ANKRD6: variants seen among roughly 807,000 people sequenced by gnomAD.
ANKRD6 encodes ankyrin repeat domain 6, also known as ankyrin repeat domain-containing protein 6.
ANKRD6 carries 56 observed loss-of-function variants against 82.3 expected under a neutral mutation model. The ratio of observed to expected loss-of-function variants is 0.68; its 90% CI spans 0.55 to 0.85. The LOEUF is 0.85. ANKRD6 is among the 40% of genes least tolerant of loss of function. ANKRD6 has a pLI of 0.00. For missense variants in ANKRD6, 852 were observed against 907.6 expected, an observed-to-expected ratio of 0.94 and a Z score of 0.79; for synonymous variants, 347 against 352.1, an observed-to-expected ratio of 0.99 and a Z score of 0.16.
intron 1 of ANKRD6, among the ~76,000 whole-genome samples, chr6:89,490,957 T>C (rs561290540): frequency 4.9e-4 from 74 of 152,296 alleles, no homozygotes; most frequent in African/African-American, 1.7e-3. Flanking sequence ...GGGTGAGCCC[T>C]AAATCTAACA....
intron 1 of ANKRD6, among the ~76,000 whole-genome samples, chr6:89,558,777 A>G (rs1583274159): frequency 6.6e-6 from 1 of 151,104 alleles, no homozygotes; most frequent in African/African-American, 2.4e-5. Flanking sequence ...AATGTATCAC[A>G]CTAATACAAG....
At chr6:89,467,809 T>C (rs562316040) in intron 1 of ANKRD6, among the ~76,000 whole-genome samples, 52 of 152,316 alleles carry the variant, frequency 3.4e-4, no homozygotes, top group African/African-American at 1.2e-3. Flanking sequence ...CTCCTGCAGC[T>C]TCTTATGTTG....
At chr6:89,602,503 T>A (rs1334794712) in intron 3 of ANKRD6, 2 of 152,848 alleles carry the variant, frequency 1.3e-5, no homozygotes, top group African/African-American at 2.4e-5. Flanking sequence ...AGTCCTCAGA[T>A]GAAATAGGGC....
At chr6:89,617,932 G>T (rs931727910) in intron 8 of ANKRD6, 22 bp from the exon 9 acceptor site, 7 of 1,613,142 alleles carry the variant, frequency 4.3e-6, no homozygotes, top group Non-Finnish European at 4.2e-6. Flanking sequence ...TTTCTCACCT[G>T]TCCTACTCTG....
chr6:89,575,033 G>C (rs1224956617), intron 2 of ANKRD6, among the ~76,000 whole-genome samples: 1 of 152,140 alleles, frequency 6.6e-6, no homozygotes, highest in Non-Finnish European at 1.5e-5. Flanking sequence ...GAAAGGGCAC[G>C]ATCTAATGCT....
chr6:89,548,860 G>A (rs1785446583), intron 1 of ANKRD6, among the ~76,000 whole-genome samples: 1 of 152,178 alleles, frequency 6.6e-6, no homozygotes, highest in South Asian at 2.1e-4. Context: ...TTCCATTTCT[G>A]TTATCTCTGC....
At chr6:89,456,121 C>A (rs903990200) in intron 1 of ANKRD6, among the ~76,000 whole-genome samples, 3 of 152,140 alleles carry the variant, frequency 2.0e-5, no homozygotes, top group African/African-American at 7.2e-5. Context: ...GTGATCCACC[C>A]GCTTTGGCCT....
At chr6:89,594,905 G>T (rs1200845556) in intron 2 of ANKRD6, among the ~76,000 whole-genome samples, 2 of 152,066 alleles carry the variant, frequency 1.3e-5, no homozygotes, top group South Asian at 2.1e-4. Flanking sequence ...ACTGTGCCCA[G>T]CTAATTTTTA....
intron 1 of ANKRD6, among the ~76,000 whole-genome samples, chr6:89,502,075 T>C (rs557437527): frequency 2.6e-5 from 4 of 152,308 alleles, no homozygotes; most frequent in Admixed American, 2.6e-4. Context: ...TTGCCTTAAA[T>C]CTCTTTTTAT....
At chr6:89,522,734 G>A (rs1304561471) in intron 1 of ANKRD6, among the ~76,000 whole-genome samples, 1 of 152,106 alleles carries the variant, frequency 6.6e-6, no homozygotes, top group African/African-American at 2.4e-5. Flanking sequence ...AACATCTCTT[G>A]ATTTTAGAGA....
chr6:89,602,799 G>A, intron 3 of ANKRD6: 1 of 520,498 alleles, frequency 1.9e-6, no homozygotes, highest in Non-Finnish European at 3.5e-6. Flanking sequence ...CTTGCTGTCG[G>A]CTTAAGGTCC....
chr6:89,579,195 T>C (rs1399685781), intron 2 of ANKRD6, among the ~76,000 whole-genome samples: 1 of 152,248 alleles, frequency 6.6e-6, no homozygotes. Context: ...GAAATAACTT[T>C]GTGCATCATA....
chr6:89,602,754 T>C, intron 3 of ANKRD6: 1 of 427,876 alleles, frequency 2.3e-6, no homozygotes, highest in Non-Finnish European at 4.3e-6. Context: ...AGCCTGACCC[T>C]CATTTTGAGG....
chr6:89,621,848 A>G (rs1803445482), intron 9 of ANKRD6, 74 bp from the exon 10 acceptor site: 4 of 1,429,818 alleles, frequency 2.8e-6, no homozygotes, highest in Non-Finnish European at 3.9e-6. Context: ...TCAGAGCCCC[A>G]GGTCCAAGGA....
chr6:89,453,785 A>G (rs1470729136), intron 1 of ANKRD6, among the ~76,000 whole-genome samples: 1 of 107,394 alleles, frequency 9.3e-6, no homozygotes, highest in African/African-American at 2.9e-5. Flanking sequence ...TAATATTTTT[A>G]TTTTATTTTA....
At chr6:89,627,865 G>A (rs949591883) in intron 14 of ANKRD6, among the ~76,000 whole-genome samples, 169 bp downstream of exon 14, 1 of 152,232 alleles carries the variant, frequency 6.6e-6, no homozygotes, top group South Asian at 2.1e-4. Context: ...AAAAGAACCT[G>A]TAGTTCTGTT....
intron 1 of ANKRD6, among the ~76,000 whole-genome samples, chr6:89,493,032 G>A (rs1391621812): frequency 1.3e-5 from 2 of 152,112 alleles, no homozygotes; most frequent in Non-Finnish European, 2.9e-5. Context: ...CAAGCTTGTT[G>A]TAAAAATGTC....
intron 1 of ANKRD6, among the ~76,000 whole-genome samples, chr6:89,558,987 A>G (rs905142875): frequency 2.0e-5 from 3 of 152,224 alleles, no homozygotes; most frequent in African/African-American, 7.2e-5. Flanking sequence ...AGCCGTGCAT[A>G]TACAATCTTG....
chr6:89,581,932 G>A (rs1201051481), intron 2 of ANKRD6, among the ~76,000 whole-genome samples: 1 of 152,156 alleles, frequency 6.6e-6, no homozygotes, highest in Non-Finnish European at 1.5e-5. Flanking sequence ...AGGGCATTGA[G>A]GGTATACGGT....
Sources: gnomAD v4.1 joint callset for allele counts (sites outside exome capture counted in the v4.1 genomes callset) on GRCh38, gnomAD v4.1.1 for gene constraint, MANE v1.5 for transcripts, NCBI Gene and HGNC (gene_info 2026-07-23, HGNC 2026-07-21) for gene names.